CDH10: variants seen among roughly 807,000 people sequenced by gnomAD.
The protein encoded by CDH10 is cadherin 10, also known as cadherin-10.
Under a neutral mutation model 73.1 loss-of-function variants are expected in CDH10, and 30 were observed. That is an observed-to-expected ratio of 0.41 (90% confidence interval 0.31 to 0.56). The LOEUF (loss-of-function observed/expected upper bound fraction) is 0.56, where lower values mean the gene tolerates loss of function less well. Ranked by LOEUF, CDH10 falls within the 20% of genes least tolerant of loss-of-function variation. The pLI, the probability that CDH10 is intolerant of heterozygous loss-of-function variation, is 0.27. For synonymous variants in CDH10, 345 were observed against 348.2 expected (o/e 0.99, Z 0.10); for missense variants, 815 against 973.7 (o/e 0.84, Z 2.17).
intron 1 of CDH10, among the ~76,000 whole-genome samples, chr5:24,609,317 T>C (rs1253928174): frequency 6.6e-6 from 1 of 152,010 alleles, no homozygotes; most frequent in Non-Finnish European, 1.5e-5. Context: ...GGTGGAACGA[T>C]AGTTGGGGGG....
At chr5:24,611,721 C>T (rs919198995) in intron 1 of CDH10, 1 of 152,044 alleles carries the variant, frequency 6.6e-6, no homozygotes, top group East Asian at 1.9e-4. Flanking sequence ...TGCTGCTAAC[C>T]GACATAATTC....
At chr5:24,514,029 T>C (rs1743016463) in intron 5 of CDH10, among the ~76,000 whole-genome samples, 1 of 152,194 alleles carries the variant, frequency 6.6e-6, no homozygotes, top group African/African-American at 2.4e-5. Flanking sequence ...TTAGCATTTT[T>C]ATCTAAGAGT....
chr5:24,572,542 CA>C (rs533164766), intron 2 of CDH10, among the ~76,000 whole-genome samples: 1 of 151,758 alleles, frequency 6.6e-6, no homozygotes, highest in Admixed American at 6.6e-5. Flanking sequence ...CCCCTCCCCC[CA>C]AAAAAATCAA....
intron 2 of CDH10, among the ~76,000 whole-genome samples, chr5:24,591,452 C>T (rs1232563633): frequency 6.6e-6 from 1 of 151,888 alleles, no homozygotes; most frequent in Non-Finnish European, 1.5e-5. Flanking sequence ...TCATAAATTC[C>T]TTACACCAAC....
intron 9 of CDH10, among the ~76,000 whole-genome samples, chr5:24,494,934 A>G (rs1011997410): frequency 2.6e-5 from 4 of 152,178 alleles, no homozygotes; most frequent in African/African-American, 9.6e-5. Context: ...GGAGGCACTT[A>G]CATCCTTTAC....
intron 5 of CDH10, among the ~76,000 whole-genome samples, chr5:24,530,035 T>TC (rs1428305091): frequency 2.0e-5 from 3 of 150,144 alleles, no homozygotes; most frequent in African/African-American, 4.9e-5. Context: ...TTTTTTTTTT[T>TC]TGAACTAGTG....
At chr5:24,615,102 G>A (rs1233080704) in intron 1 of CDH10, among the ~76,000 whole-genome samples, 1 of 152,078 alleles carries the variant, frequency 6.6e-6, no homozygotes, top group Admixed American at 6.5e-5. Flanking sequence ...TGATAATACT[G>A]TTCTCGCCTG....
chr5:24,607,190 G>A (rs1307335496), intron 1 of CDH10, among the ~76,000 whole-genome samples: 1 of 152,116 alleles, frequency 6.6e-6, no homozygotes, highest in African/African-American at 2.4e-5. Flanking sequence ...GTTCATTGAT[G>A]TCAGCACACG....
intron 2 of CDH10, among the ~76,000 whole-genome samples, chr5:24,546,223 T>C (rs553150044): frequency 1.3e-5 from 2 of 152,094 alleles, no homozygotes; most frequent in East Asian, 3.9e-4. Context: ...CAAACAATGC[T>C]AACACAGTAT....
intron 2 of CDH10, among the ~76,000 whole-genome samples, chr5:24,568,346 A>C (rs1487977336): frequency 6.6e-6 from 1 of 152,194 alleles, no homozygotes; most frequent in Non-Finnish European, 1.5e-5. Context: ...AATGTAATAG[A>C]CATTTCTCCA....
intron 9 of CDH10, among the ~76,000 whole-genome samples, chr5:24,495,090 G>A (rs368157545): frequency 5.3e-5 from 8 of 151,888 alleles, no homozygotes; most frequent in South Asian, 2.1e-4. Flanking sequence ...TAAATGTGCC[G>A]TAAAGACTGG....
Position 24,593,611 on chromosome 5 carries a change from A to C in CDH10, c.-121T>G. The C allele has an allele frequency of 1.7e-6, 1 of 579,780 alleles. No individual in the cohort carries two copies. The allele number at this position is 579,780 out of a possible 1,614,324, so 35.9% of individuals were successfully genotyped here. ...ATCAATGTTTTGTTCATGTTTCCCA[A>C]AGCTTCAAACAAACAAACAAACAAA... On this transcript the variant is annotated splice_region_variant and 5_prime_UTR_variant, in exon 2 of 12. Coordinates refer to ENST00000264463, the MANE Select transcript of CDH10 (RefSeq NM_006727.5).
chr5:24,590,165 A>G (rs1483225116), intron 2 of CDH10, among the ~76,000 whole-genome samples: 1 of 151,978 alleles, frequency 6.6e-6, no homozygotes, highest in Non-Finnish European at 1.5e-5. Context: ...ATCTCAACAA[A>G]TAAATGTTTT....
At chr5:24,523,596 T>C (rs537849971) in intron 5 of CDH10, among the ~76,000 whole-genome samples, 3 of 152,314 alleles carry the variant, frequency 2.0e-5, no homozygotes, top group African/African-American at 7.2e-5. Context: ...ATTTTATTTT[T>C]AGTTTGACTT....
At position 24,537,600 on chromosome 5, in the gene CDH10, A is replaced by G. The variant is rs190662195; in HGVS notation, c.306T>C (p.Phe102=). The change falls in exon 3 of 12, where the codon TTT becomes TTC. Residue 102 remains phenylalanine (F), a synonymous_variant. Coordinates refer to ENST00000264463, the MANE Select transcript of CDH10 (RefSeq NM_006727.5). ...ILSGDGAGTL[F]IIDEKTGDIH... Reference sequence around the variant, plus strand: ...TATCACCTGTTTTTTCATCAATAATAAAAAGAGTACCAGCTCCATCTCCAG... The same window carrying G: ...TATCACCTGTTTTTTCATCAATAATGAAAAGAGTACCAGCTCCATCTCCAG... 2.4e-5 allele frequency: 39 copies of G among 1,607,364 alleles called. No individual in the cohort carries two copies. In the East Asian group the frequency reaches 8.0e-4, roughly 33 times the overall value.
chr5:24,547,804 C>G (rs114161702), intron 2 of CDH10, among the ~76,000 whole-genome samples: 2,853 of 152,224 alleles, frequency 0.019, 44 homozygotes, highest in Non-Finnish European at 0.027. Flanking sequence ...TTCTCAGTGC[C>G]TCTAGAAACT....
chr5:24,624,364 T>G (rs1579481907), intron 1 of CDH10, among the ~76,000 whole-genome samples: 1 of 152,142 alleles, frequency 6.6e-6, no homozygotes, highest in Admixed American at 6.6e-5. Flanking sequence ...AATCAGATAA[T>G]AATTATCAAA....
intron 1 of CDH10, among the ~76,000 whole-genome samples, chr5:24,635,604 T>C (rs1346433485): frequency 1.3e-5 from 2 of 151,864 alleles, no homozygotes; most frequent in East Asian, 3.9e-4. Context: ...TCTCGAGTCT[T>C]TCCTATCGTT....
intron 8 of CDH10, among the ~76,000 whole-genome samples, chr5:24,501,669 C>T (rs1742501036): frequency 6.6e-6 from 1 of 152,104 alleles, no homozygotes; most frequent in South Asian, 2.1e-4. Flanking sequence ...AAATCACAGA[C>T]ATTAGAAAAA....
Sources: allele counts gnomAD v4.1 joint callset (sites outside exome capture counted in the v4.1 genomes callset), GRCh38; gene constraint gnomAD v4.1.1; transcripts MANE v1.5; gene names NCBI Gene and HGNC (gene_info 2026-07-23, HGNC 2026-07-21).